The following TENM4 variants were observed in gnomAD, a reference collection of about 807,000 sequenced individuals.
The protein encoded by TENM4 is teneurin transmembrane protein 4, also known as teneurin-4.
TENM4 carries 82 observed loss-of-function variants against 243.3 expected under a neutral mutation model. That is an observed-to-expected ratio of 0.34 (90% confidence interval 0.28 to 0.40). TENM4 has a LOEUF of 0.40. Ranked by LOEUF, TENM4 falls within the 10% of genes least tolerant of loss-of-function variation. TENM4 has a pLI of 1.00. For missense variants in TENM4, 3,138 were observed against 3,673.3 expected (o/e 0.85, Z 3.77); for synonymous variants, 1,412 against 1,456.3 (o/e 0.97, Z 0.69).
intron 1 of TENM4, among the ~76,000 whole-genome samples, chr11:79,364,301 AC>A (rs927309905): frequency 1.3e-5 from 2 of 151,784 alleles, no homozygotes; most frequent in Admixed American, 6.6e-5. Context: ...AAATCTCAGC[AC>A]CCCCCGGCCC....
At chr11:79,423,615 G>C (rs553101295) in intron 1 of TENM4, among the ~76,000 whole-genome samples, 23 of 148,430 alleles carry the variant, frequency 1.5e-4, no homozygotes, top group African/African-American at 5.7e-4. Flanking sequence ...GTGGGGAAAC[G>C]GGTCATTCTT....
At chr11:79,032,005 C>CA (rs1359587268) in intron 6 of TENM4, among the ~76,000 whole-genome samples, 2 of 152,210 alleles carry the variant, frequency 1.3e-5, no homozygotes, top group African/African-American at 4.8e-5. Context: ...AAGCCCTTTT[C>CA]TGTAGCCTAT....
chr11:79,388,136 T>A (rs1565325919), intron 1 of TENM4, among the ~76,000 whole-genome samples: 1 of 152,198 alleles, frequency 6.6e-6, no homozygotes. Flanking sequence ...CCACCTTCAC[T>A]GAGGTTAGAG....
At chr11:79,294,846 T>C (rs1463196216) in intron 2 of TENM4, among the ~76,000 whole-genome samples, 1 of 151,624 alleles carries the variant, frequency 6.6e-6, no homozygotes, top group African/African-American at 2.4e-5. Flanking sequence ...TGAAACTCTG[T>C]CTCAAAAAAA....
At chr11:79,137,124 C>T (rs1862125000) in intron 4 of TENM4, among the ~76,000 whole-genome samples, 1 of 152,128 alleles carries the variant, frequency 6.6e-6, no homozygotes, top group South Asian at 2.1e-4. Flanking sequence ...TTATGTTCTG[C>T]TGGCCTAGAG....
Position 79,298,771 on chromosome 11 carries a change from G to A in TENM4, c.-320-1228C>T, listed in dbSNP as rs372658649. Among the ~76,000 whole-genome samples the A allele has an allele frequency of 4.6e-5, 7 of 152,206 alleles. No individual in the cohort carries two copies. In the East Asian group the frequency reaches 1.4e-3, roughly 29 times the overall value. Reference sequence around the variant, plus strand: ...CAGCAAGGCTCGGCGAGCCGTCTAAGGCCTGATGCTGTAATTTTGGTACCC... The same window carrying A: ...CAGCAAGGCTCGGCGAGCCGTCTAAAGCCTGATGCTGTAATTTTGGTACCC... On this transcript the variant is annotated intron_variant, in intron 1 of 33. Coordinates refer to ENST00000278550, the MANE Select transcript of TENM4 (RefSeq NM_001098816.3).
At position 79,207,928 on chromosome 11, in the gene TENM4, A is replaced by G. The variant is rs183966959; in HGVS notation, c.-163+7880T>C. On this transcript the variant is annotated intron_variant, in intron 3 of 33. Coordinates refer to ENST00000278550, the MANE Select transcript of TENM4 (RefSeq NM_001098816.3). ...TTAGGGCCTCCTATGATACAGTGTA[A>G]AGTCTGGGCTTCCTCTGGAGAGCAA... is the stretch of plus-strand genomic sequence containing the variant. 7.6e-4 allele frequency among the ~76,000 whole-genome samples: 116 copies of G among 151,892 alleles called. 1 individual carries two copies. Among genetic ancestry groups the G allele is most frequent in the African/African-American group, 2.5e-3 (104 of 41,414 alleles).
At chr11:79,028,946 A>G (rs539593609) in intron 6 of TENM4, among the ~76,000 whole-genome samples, 11 of 152,342 alleles carry the variant, frequency 7.2e-5, no homozygotes, top group African/African-American at 2.2e-4. Context: ...TGTGTACACC[A>G]TTAAGATTGA....
chr11:78,659,005 C>T (rs1857970417), intron 33 of TENM4, among the ~76,000 whole-genome samples, 189 bp from the exon 34 acceptor site: 2 of 152,174 alleles, frequency 1.3e-5, no homozygotes, highest in East Asian at 1.9e-4. Flanking sequence ...GACCTTCATC[C>T]ATCCATCCAC....
At chr11:79,392,236 T>C (rs1280272162) in intron 1 of TENM4, among the ~76,000 whole-genome samples, 1 of 152,198 alleles carries the variant, frequency 6.6e-6, no homozygotes, top group Non-Finnish European at 1.5e-5. Context: ...TTCCTTATGA[T>C]GTTTGCTCAC....
intron 6 of TENM4, among the ~76,000 whole-genome samples, chr11:78,955,701 A>T (rs1205864090): frequency 6.6e-6 from 1 of 152,238 alleles, no homozygotes; most frequent in Non-Finnish European, 1.5e-5. Flanking sequence ...AGTTACATTA[A>T]TTCAAAACGT....
At chr11:79,094,272 A>G (rs529892504) in intron 4 of TENM4, among the ~76,000 whole-genome samples, 106 of 152,324 alleles carry the variant, frequency 7.0e-4, no homozygotes, top group African/African-American at 2.5e-3. Flanking sequence ...TGATGGGCCA[A>G]TCACTGTGCA....
intron 1 of TENM4, among the ~76,000 whole-genome samples, chr11:79,306,543 G>T (rs759502675): frequency 5.3e-5 from 8 of 152,184 alleles, no homozygotes; most frequent in Non-Finnish European, 1.0e-4. Context: ...CTGAGGTCGT[G>T]CTGGGAAGGG....
intron 1 of TENM4, among the ~76,000 whole-genome samples, chr11:79,299,554 ACATTC>A (rs756012815): frequency 9.9e-5 from 15 of 152,096 alleles, no homozygotes; most frequent in Non-Finnish European, 1.9e-4. Context: ...ATACTTATTT[ACATTC>A]CCAAAAGAGC....
intron 1 of TENM4, among the ~76,000 whole-genome samples, chr11:79,437,350 C>T (rs1200236688): frequency 6.6e-6 from 1 of 152,228 alleles, no homozygotes; most frequent in African/African-American, 2.4e-5. Flanking sequence ...CCGCTGAAAG[C>T]CCAACTGCAG....
At chr11:78,764,339 C>T (rs945435541) in intron 18 of TENM4, among the ~76,000 whole-genome samples, 13 of 152,208 alleles carry the variant, frequency 8.5e-5, no homozygotes, top group Admixed American at 7.2e-4. Context: ...TTCTGTACAT[C>T]GAGCTGTTAG....
At position 79,141,850 on chromosome 11, in the gene TENM4, T is replaced by A. The variant is rs538891401; in HGVS notation, c.-66+6860A>T. On this transcript the variant is annotated intron_variant, in intron 4 of 33. Coordinates refer to ENST00000278550, the MANE Select transcript of TENM4 (RefSeq NM_001098816.3). ...GCAAGGATGGTTCAACATACAAAAA[T>A]CAATCAATGTGATATATCATATTAA... Among the ~76,000 whole-genome samples the A allele has an allele frequency of 3.9e-5, 6 of 152,096 alleles. No individual in the cohort carries two copies. In the East Asian group the frequency reaches 1.2e-3, roughly 29 times the overall value.
At chr11:79,089,276 G>T (rs1860889568) in intron 4 of TENM4, among the ~76,000 whole-genome samples, 1 of 152,196 alleles carries the variant, frequency 6.6e-6, no homozygotes, top group African/African-American at 2.4e-5. Context: ...AGGCTAGATG[G>T]CTGGAAACTG....
intron 16 of TENM4, among the ~76,000 whole-genome samples, chr11:78,785,521 G>T (rs1323720871): frequency 6.6e-6 from 1 of 152,158 alleles, no homozygotes; most frequent in Non-Finnish European, 1.5e-5. Flanking sequence ...CTACCTCTTT[G>T]AAGTTCCGTG....
Sources: gnomAD v4.1 joint callset for allele counts (sites outside exome capture counted in the v4.1 genomes callset) on GRCh38, gnomAD v4.1.1 for gene constraint, MANE v1.5 for transcripts, NCBI Gene and HGNC (gene_info 2026-07-23, HGNC 2026-07-21) for gene names.